KIF26B: variants seen among roughly 807,000 people sequenced by gnomAD.
KIF26B encodes kinesin family member 26B.
KIF26B carries 63 observed loss-of-function variants against 151.2 expected under a neutral mutation model. That is an observed-to-expected ratio of 0.42 (90% CI 0.34 to 0.51). The LOEUF is 0.51. Ranked by LOEUF, KIF26B falls within the 20% of genes least tolerant of loss-of-function variation. KIF26B has a pLI of 0.07. For synonymous variants in KIF26B, 1,357 were observed against 1,262.1 expected, an observed-to-expected ratio of 1.08 and a Z score of -1.59; for missense variants, 2,813 against 2,913.6, an observed-to-expected ratio of 0.97 and a Z score of 0.79.
At chr1:245,270,839 A>G (rs1573744876) in intron 2 of KIF26B, among the ~76,000 whole-genome samples, 1 of 152,214 alleles carries the variant, frequency 6.6e-6, no homozygotes, top group Non-Finnish European at 1.5e-5. Context: ...GCCAAGACCA[A>G]TGTTTTGAAA....
At chr1:245,333,012 A>G (rs1672144784) in intron 2 of KIF26B, among the ~76,000 whole-genome samples, 1 of 152,174 alleles carries the variant, frequency 6.6e-6, no homozygotes, top group Non-Finnish European at 1.5e-5. Context: ...CCAAGGATTT[A>G]TTGGGCAGCA....
chr1:245,338,595 G>C (rs1332629807), intron 2 of KIF26B, among the ~76,000 whole-genome samples: 1 of 152,216 alleles, frequency 6.6e-6, no homozygotes, highest in East Asian at 1.9e-4. Context: ...TTTCTGTGTG[G>C]TAGTAAGCAC....
chr1:245,476,278 T>A (rs2103066545), intron 4 of KIF26B, among the ~76,000 whole-genome samples: 1 of 151,810 alleles, frequency 6.6e-6, no homozygotes, highest in South Asian at 2.1e-4. Context: ...GGAGTGAGTG[T>A]TAAAGGGTGT....
Position 245,682,795 on chromosome 1 carries a change from G to A in KIF26B, c.2259-1438G>A, listed in dbSNP as rs192586392. Among the ~76,000 whole-genome samples, 86 of 152,374 alleles carry A rather than the reference G, an allele frequency of 5.6e-4. 1 individual carries two copies. In the South Asian group the frequency reaches 0.011, roughly 20 times the overall value. Reference sequence around the variant, plus strand: ...AGCCCAAGACGCATCCAGGTGCAACGTCTCTGCTAAGAATGTGTGCCAGGA... The same window carrying A: ...AGCCCAAGACGCATCCAGGTGCAACATCTCTGCTAAGAATGTGTGCCAGGA... On this transcript the variant is annotated intron_variant, in intron 10 of 14. Transcript: ENST00000407071.
chr1:245,670,689 C>A (rs960402875), intron 10 of KIF26B, among the ~76,000 whole-genome samples: 15 of 152,040 alleles, frequency 9.9e-5, no homozygotes, highest in African/African-American at 3.6e-4. Context: ...ATATACGTTT[C>A]ATGGAAAAGA....
intron 5 of KIF26B, among the ~76,000 whole-genome samples, chr1:245,596,951 G>T (rs1056073751): frequency 3.3e-5 from 5 of 152,040 alleles, no homozygotes; most frequent in African/African-American, 9.7e-5. Flanking sequence ...CACTACGACC[G>T]CAACCCTTGC....
At chr1:245,422,210 G>C in intron 4 of KIF26B, among the ~76,000 whole-genome samples, 1 of 152,146 alleles carries the variant, frequency 6.6e-6, no homozygotes, top group Non-Finnish European at 1.5e-5. Flanking sequence ...TATGTGGTTT[G>C]TATTCAAAGG....
chr1:245,569,889 A>T (rs1257195213), intron 5 of KIF26B, among the ~76,000 whole-genome samples: 12 of 99,428 alleles, frequency 1.2e-4, no homozygotes, highest in African/African-American at 1.6e-4. Flanking sequence ...ATGATCACTT[A>T]TCTTTCCCTT....
intron 2 of KIF26B, among the ~76,000 whole-genome samples, chr1:245,192,940 C>G (rs1669134917): frequency 6.6e-6 from 1 of 152,110 alleles, no homozygotes; most frequent in Non-Finnish European, 1.5e-5. Flanking sequence ...GTTTGTGATA[C>G]AGGTAAGTTG....
intron 2 of KIF26B, among the ~76,000 whole-genome samples, chr1:245,248,253 A>G (rs923036279): frequency 4.6e-5 from 7 of 152,184 alleles, no homozygotes; most frequent in African/African-American, 1.7e-4. Context: ...CTGTCTGGAC[A>G]GTGGAAGGAC....
intron 4 of KIF26B, among the ~76,000 whole-genome samples, chr1:245,507,595 T>C (rs1361882745): frequency 2.6e-5 from 4 of 152,148 alleles, no homozygotes; most frequent in African/African-American, 2.4e-5. Context: ...TGGAAGCCAA[T>C]TGCCCACAGC....
intron 2 of KIF26B, among the ~76,000 whole-genome samples, chr1:245,237,057 A>G (rs756410198): frequency 6.6e-6 from 1 of 152,240 alleles, no homozygotes; most frequent in Non-Finnish European, 1.5e-5. Context: ...ATTTGTCTGC[A>G]ATGAAGATCG....
chr1:245,491,894 C>A (rs1272260826), intron 4 of KIF26B, among the ~76,000 whole-genome samples: 1 of 151,526 alleles, frequency 6.6e-6, no homozygotes, highest in African/African-American at 2.4e-5. Context: ...GGCAACAGAG[C>A]AGATAATCTC....
At chr1:245,204,806 G>A (rs973785351) in intron 2 of KIF26B, among the ~76,000 whole-genome samples, 1 of 151,756 alleles carries the variant, frequency 6.6e-6, no homozygotes, top group Non-Finnish European at 1.5e-5. Flanking sequence ...TAAGAGATGA[G>A]GTCTCACTCT....
chr1:245,436,360 C>A (rs1658932090), intron 4 of KIF26B, among the ~76,000 whole-genome samples: 1 of 152,128 alleles, frequency 6.6e-6, no homozygotes. Flanking sequence ...CTACACAACA[C>A]CCTGGTTGTC....
chr1:245,412,240 G>C (rs575868487), intron 3 of KIF26B, among the ~76,000 whole-genome samples: 1 of 152,296 alleles, frequency 6.6e-6, no homozygotes, highest in Admixed American at 6.5e-5. Flanking sequence ...AAGTAACAGT[G>C]TAAGTAGCAG....
chr1:245,220,483 G>A (rs1030420143), intron 2 of KIF26B, among the ~76,000 whole-genome samples: 9 of 152,014 alleles, frequency 5.9e-5, no homozygotes, highest in Non-Finnish European at 1.0e-4. Context: ...CTCCCCTTCC[G>A]TTTCTCCTCT....
intron 4 of KIF26B, among the ~76,000 whole-genome samples, chr1:245,523,709 C>A (rs1661181060): frequency 1.3e-5 from 2 of 152,158 alleles, no homozygotes; most frequent in South Asian, 4.1e-4. Context: ...GACCTAATCA[C>A]CTTCTAAATG....
chr1:245,207,995 G>A (rs1669440509), intron 2 of KIF26B, among the ~76,000 whole-genome samples: 1 of 152,204 alleles, frequency 6.6e-6, no homozygotes, highest in Admixed American at 6.5e-5. Context: ...GCGGAGGTGG[G>A]CTGTGTGCCC....
Sources: gnomAD v4.1 joint callset for allele counts (sites outside exome capture counted in the v4.1 genomes callset) on GRCh38, gnomAD v4.1.1 for gene constraint, MANE v1.5 for transcripts, NCBI Gene and HGNC (gene_info 2026-07-23, HGNC 2026-07-21) for gene names.